ZYG11B: variants seen among roughly 807,000 people sequenced by gnomAD.
ZYG11B encodes protein zyg-11 homolog B.
A neutral mutation model predicts 82.4 loss-of-function variants in ZYG11B; 36 were observed. That is an observed-to-expected ratio of 0.44 (90% CI 0.33 to 0.58). The LOEUF (loss-of-function observed/expected upper bound fraction) is 0.58. Ranked by LOEUF, ZYG11B falls within the 20% of genes least tolerant of loss-of-function variation. The pLI, the probability that ZYG11B is intolerant of heterozygous loss-of-function variation, is 0.02. For missense variants in ZYG11B, 552 were observed against 895.6 expected (o/e 0.62, Z 4.90); for synonymous variants, 303 against 312.8 (o/e 0.97, Z 0.33).
At chr1:52,755,918 G>C (rs1485469112) in intron 1 of ZYG11B, among the ~76,000 whole-genome samples, 1 of 152,040 alleles carries the variant, frequency 6.6e-6, no homozygotes, top group Non-Finnish European at 1.5e-5. Flanking sequence ...TCCTGCCTCA[G>C]CCTCCTGAGT....
rs777738470 is a variant in ZYG11B, at chr1:52,801,920, A to C, written c.1587A>C (p.Pro529=). ...TTTGGAACCTCACAGATGAATCTCC[A>C]ACCACTTGTAGACACTTTATTGAAA... ...SALWNLTDES[P]TTCRHFIENQ... is the part of the protein sequence containing the mutation. The change falls in exon 9 of 14, where the codon CCA becomes CCC. Residue 529 remains proline, a synonymous_variant. Transcript: ENST00000294353. 7.4e-6 allele frequency: 12 copies of C among 1,613,462 alleles called. No individual in the cohort carries two copies. The South Asian group carries it at 1.3e-4, about 18-fold the overall frequency.
intron 1 of ZYG11B, among the ~76,000 whole-genome samples, chr1:52,745,912 A>C (rs1310506533): frequency 6.6e-6 from 1 of 150,974 alleles, no homozygotes; most frequent in African/African-American, 2.4e-5. Context: ...CTTGTTGCCC[A>C]GGCTGGAGTG....
intron 10 of ZYG11B, among the ~76,000 whole-genome samples, chr1:52,810,697 C>T (rs149378238): frequency 1.1e-3 from 170 of 152,192 alleles, no homozygotes; most frequent in African/African-American, 3.8e-3. Flanking sequence ...TGTTTTTACT[C>T]CACCTTGGCC....
intron 3 of ZYG11B, chr1:52,772,279 C>T (rs879468255): frequency 1.1e-4 from 152 of 1,322,022 alleles, no homozygotes; most frequent in East Asian, 3.2e-4. Context: ...TTGAGCCAAA[C>T]GGTGAATCTG....
At chr1:52,798,188 A>G (rs372433314) in intron 8 of ZYG11B, among the ~76,000 whole-genome samples, 10 of 152,138 alleles carry the variant, frequency 6.6e-5, no homozygotes, top group Non-Finnish European at 1.2e-4. Context: ...CTTTTCATAT[A>G]TGCAGCTTTA....
intron 10 of ZYG11B, among the ~76,000 whole-genome samples, chr1:52,810,488 T>C (rs968758525): frequency 2.6e-5 from 4 of 152,172 alleles, no homozygotes; most frequent in Non-Finnish European, 5.9e-5. Context: ...TCCTACTCCA[T>C]TCAGTCTACT....
intron 10 of ZYG11B, among the ~76,000 whole-genome samples, chr1:52,804,087 A>G (rs1359405578): frequency 6.6e-6 from 1 of 152,060 alleles, no homozygotes; most frequent in Non-Finnish European, 1.5e-5. Context: ...AAAAAGTGAA[A>G]TAAGAAAATT....
At chr1:52,732,185 G>C (rs1644338764) in intron 1 of ZYG11B, among the ~76,000 whole-genome samples, 1 of 152,160 alleles carries the variant, frequency 6.6e-6, no homozygotes, top group African/African-American at 2.4e-5. Context: ...CTTGAAACTT[G>C]AAAAAGGATG....
intron 5 of ZYG11B, among the ~76,000 whole-genome samples, chr1:52,785,825 A>G (rs1644907971): frequency 6.6e-6 from 1 of 152,130 alleles, no homozygotes; most frequent in African/African-American, 2.4e-5. Flanking sequence ...GCTCAAAACC[A>G]AGTAAAAATG....
At chr1:52,749,231 A>G (rs1644501768) in intron 1 of ZYG11B, among the ~76,000 whole-genome samples, 1 of 152,086 alleles carries the variant, frequency 6.6e-6, no homozygotes, top group African/African-American at 2.4e-5. Context: ...CCTAAATAAA[A>G]AAAGAAAGAT....
At chr1:52,757,668 C>T (rs749954841) in intron 2 of ZYG11B, among the ~76,000 whole-genome samples, 1 of 151,942 alleles carries the variant, frequency 6.6e-6, no homozygotes, top group African/African-American at 2.4e-5. Flanking sequence ...GAGCAAGACT[C>T]TGTCTCAAAA....
intron 2 of ZYG11B, among the ~76,000 whole-genome samples, chr1:52,761,664 T>C (rs1308579371): frequency 6.6e-6 from 1 of 152,206 alleles, no homozygotes; most frequent in East Asian, 1.9e-4. Flanking sequence ...AGATGTCTCT[T>C]TGATAATTTT....
intron 13 of ZYG11B, among the ~76,000 whole-genome samples, chr1:52,816,929 C>T (rs1645229768): frequency 6.6e-6 from 1 of 151,860 alleles, no homozygotes; most frequent in African/African-American, 2.4e-5. Flanking sequence ...GCTGAGATAT[C>T]AGGCACCTGC....
intron 1 of ZYG11B, among the ~76,000 whole-genome samples, chr1:52,739,356 G>A: frequency 6.6e-6 from 1 of 152,104 alleles, no homozygotes; most frequent in Non-Finnish European, 1.5e-5. Context: ...TTTGTAAAAT[G>A]AAAAGGTTAT....
At chr1:52,774,434 A>G (rs1395157939) in intron 3 of ZYG11B, among the ~76,000 whole-genome samples, 1 of 151,052 alleles carries the variant, frequency 6.6e-6, no homozygotes, top group African/African-American at 2.4e-5. Flanking sequence ...CAGCCTCCTG[A>G]GTAGCTGGGA....
intron 2 of ZYG11B, among the ~76,000 whole-genome samples, chr1:52,759,771 G>C (rs1446520696): frequency 6.6e-6 from 1 of 152,110 alleles, no homozygotes; most frequent in Admixed American, 6.5e-5. Flanking sequence ...CTTCGTGTTT[G>C]AAAATATTCA....
At chr1:52,753,548 A>G (rs534921575) in intron 1 of ZYG11B, among the ~76,000 whole-genome samples, 21 of 150,860 alleles carry the variant, frequency 1.4e-4, no homozygotes, top group Non-Finnish European at 2.5e-4. Context: ...GCCTTACCCT[A>G]GTAGCTGAGA....
chr1:52,768,946 A>G (rs549461639), intron 2 of ZYG11B, among the ~76,000 whole-genome samples: 1 of 152,218 alleles, frequency 6.6e-6, no homozygotes, highest in South Asian at 2.1e-4. Flanking sequence ...CAAAGGCCTT[A>G]CTCAAAGATC....
rs573859558 is a variant in ZYG11B, at chr1:52,757,468, G to A, written c.196+845G>A. Among the ~76,000 whole-genome samples, 15 of 152,094 alleles carry A rather than the reference G, an allele frequency of 9.9e-5. No individual in the cohort carries two copies. In the East Asian group the frequency reaches 2.9e-3, roughly 30 times the overall value. ...AGGCAGGTGAATCACCTGAGGTCAG[G>A]AGTTCGAGACCAGCCTGGCCAAGAT... On this transcript the variant is annotated intron_variant, in intron 2 of 13. Coordinates refer to ENST00000294353, the MANE Select transcript of ZYG11B (RefSeq NM_024646.3).
Sources: gnomAD v4.1 joint callset for allele counts (sites outside exome capture counted in the v4.1 genomes callset) on GRCh38, gnomAD v4.1.1 for gene constraint, MANE v1.5 for transcripts, NCBI Gene and HGNC (gene_info 2026-07-23, HGNC 2026-07-21) for gene names.